The following LCT variants were observed in gnomAD, a reference collection of about 807,000 sequenced individuals.
LCT encodes lactase/phlorizin hydrolase.
Under a neutral mutation model 173.0 loss-of-function variants are expected in LCT, and 90 were observed. That is an observed-to-expected ratio of 0.52 (90% CI 0.44 to 0.62). LCT has a LOEUF of 0.62. Ranked by LOEUF, LCT falls within the 20% of genes least tolerant of loss-of-function variation. The pLI, the probability that LCT is intolerant of heterozygous loss-of-function variation, is 0.00. For synonymous variants in LCT, 853 were observed against 957.6 expected (o/e 0.89, Z 2.02); for missense variants, 1,864 against 2,431.4 (o/e 0.77, Z 4.91).
At chr2:135,803,811 G>A in intron 11 of LCT, 119 bp downstream of exon 11, 1 of 860,096 alleles carries the variant, frequency 1.2e-6, no homozygotes, top group Non-Finnish European at 1.9e-6. Context: ...TGAGCAAGAG[G>A]CAGGGTTTCT....
chr2:135,826,107 G>C (rs1228548553), intron 3 of LCT, among the ~76,000 whole-genome samples: 5 of 152,186 alleles, frequency 3.3e-5, no homozygotes, highest in Non-Finnish European at 5.9e-5. Context: ...CCTCTGAGGG[G>C]CCAACCCTAC....
At chr2:135,794,311 TGAAAA>T in intron 14 of LCT, 2 of 241,730 alleles carry the variant, frequency 8.3e-6, no homozygotes, top group African/African-American at 4.4e-5. Context: ...ATTTTTTTCT[TGAAAA>T]TCCTTTTTAA....
intron 7 of LCT, among the ~76,000 whole-genome samples, chr2:135,811,044 A>G (rs901894928): frequency 4.6e-5 from 7 of 151,826 alleles, no homozygotes; most frequent in Non-Finnish European, 1.0e-4. Context: ...AAAAAAGAAA[A>G]AAGAAAAGAA....
At chr2:135,824,992 C>CA (rs5834449) in intron 3 of LCT, among the ~76,000 whole-genome samples, 154 of 110,112 alleles carry the variant, frequency 1.4e-3, no homozygotes, top group East Asian at 0.01. Context: ...GGCTCCATCT[C>CA]AAAAAAAAAA....
intron 1 of LCT, among the ~76,000 whole-genome samples, chr2:135,836,135 A>G (rs1679366828): frequency 6.6e-6 from 1 of 150,844 alleles, no homozygotes; most frequent in Non-Finnish European, 1.5e-5. Flanking sequence ...TCTCCTGCCT[A>G]AGCCTCCCGA....
At chr2:135,801,908 A>T (rs947190224) in intron 11 of LCT, among the ~76,000 whole-genome samples, 1 of 152,080 alleles carries the variant, frequency 6.6e-6, no homozygotes, top group Non-Finnish European at 1.5e-5. Context: ...ATGCACTGTC[A>T]TCCAGGCTGG....
intron 8 of LCT, among the ~76,000 whole-genome samples, chr2:135,808,088 T>G (rs1002445830): frequency 1.3e-5 from 2 of 150,696 alleles, no homozygotes; most frequent in African/African-American, 2.4e-5. Context: ...TGTTCTGGGG[T>G]GCATGGGATA....
In LCT at chr2:135,807,202, C is replaced by A. The variant is rs1460246114; in HGVS notation, c.4099G>T (p.Ala1367Ser). The stretch of plus-strand genomic sequence containing the variant: ...CCGTACAGAAACTCATCCTCCCTGG[C>A]CAGTGGCATGCCGTTGTTGGTAATG... ...EVITNNGMPL[A>S]REDEFLYGRF... Residue 1367 changes from alanine to serine, a missense_variant, in exon 9 of 17, where the codon GCC becomes TCC. Around this residue, in one of 4 missense-constraint regions of LCT, gnomAD observed 514 missense variants for 750.1 expected, o/e 0.69. Transcript: ENST00000264162. The A allele has an allele frequency of 6.2e-7, 1 of 1,614,226 alleles. No individual in the cohort carries two copies. The highest frequency in any genetic ancestry group is 1.1e-5 in the South Asian group (1 of 91,086).
At chr2:135,825,784 G>A (rs1461805019) in intron 3 of LCT, among the ~76,000 whole-genome samples, 1 of 152,222 alleles carries the variant, frequency 6.6e-6, no homozygotes, top group Non-Finnish European at 1.5e-5. Context: ...GGGAATGGGG[G>A]CAGGTGCCTG....
Position 135,833,142 on chromosome 2 carries a change from A to G in LCT, c.689T>C (p.Leu230Pro), listed in dbSNP as rs1412504198. ...AAGCGCAGATATGGGTGGTTCTAGCAGGAGCTCCGGGATATCTTCAGCTCG... is the reference window on the plus strand; with the variant it reads ...AAGCGCAGATATGGGTGGTTCTAGCGGGAGCTCCGGGATATCTTCAGCTCG... Reference protein sequence around the residue: ...VLRAEDIPELLLEPPISALAQ... With the variant: ...VLRAEDIPELPLEPPISALAQ... Residue 230 changes from leucine (L) to proline (P), a missense_variant, in exon 2 of 17, where the codon CTG becomes CCG. Physicochemically the swap from Leu to Pro is moderately conservative, Grantham distance 98. Coordinates refer to ENST00000264162, the MANE Select transcript of LCT (RefSeq NM_002299.4). The G allele has an allele frequency of 1.2e-6, 2 of 1,614,040 alleles. No individual in the cohort carries two copies. Among genetic ancestry groups the G allele is most frequent in the Admixed American group, 3.3e-5 (2 of 59,998 alleles).
At position 135,833,151 on chromosome 2, in the gene LCT, G is replaced by A. The variant is rs768179301; in HGVS notation, c.680C>T (p.Pro227Leu). The change falls in exon 2 of 17, where the codon CCG (proline) becomes CTG (leucine). Residue 227 changes from proline (P) to leucine (L), a missense_variant. Around this residue, in one of 4 missense-constraint regions of LCT, gnomAD observed 412 missense variants for 462.0 expected, o/e 0.89. Coordinates refer to ENST00000264162, the MANE Select transcript of LCT (RefSeq NM_002299.4). ...LSVVLRAEDI[P>L]ELLLEPPISA... ...TATGGGTGGTTCTAGCAGGAGCTCC[G>A]GGATATCTTCAGCTCGCAGGACAAC... 6.8e-6 allele frequency: 11 copies of A among 1,614,016 alleles called. No homozygotes were observed. Among genetic ancestry groups the A allele is most frequent in the South Asian group, 6.6e-5 (6 of 91,078 alleles).
intron 3 of LCT, among the ~76,000 whole-genome samples, chr2:135,826,805 A>G (rs1279075078): frequency 1.3e-5 from 2 of 152,282 alleles, no homozygotes; most frequent in African/African-American, 4.8e-5. Flanking sequence ...CGAAGACCCT[A>G]GAGTGTTACG....
intron 2 of LCT, among the ~76,000 whole-genome samples, chr2:135,832,216 C>CA (rs781230596): frequency 5.7e-4 from 82 of 144,506 alleles, no homozygotes; most frequent in Non-Finnish European, 8.8e-4. Flanking sequence ...AACTCCATCT[C>CA]AAAAAAAAAA....
Position 135,798,023 on chromosome 2 carries a change from C to T in LCT, c.4976+6G>A, listed in dbSNP as rs777479505. The T allele has an allele frequency of 6.4e-7, 1 of 1,562,608 alleles. No homozygotes were observed. ...GCCCTCACCACTGCGGGCACCAGGC[C>T]CTTACCGAGACTTGTTGAGGCCTGC... On this transcript the variant is annotated splice_donor_region_variant and intron_variant, in intron 13 of 16. Transcript: ENST00000264162.
chr2:135,801,152 G>T (rs1575334652), intron 11 of LCT, among the ~76,000 whole-genome samples: 1 of 152,154 alleles, frequency 6.6e-6, no homozygotes, highest in African/African-American at 2.4e-5. Context: ...TCCTCCAGAA[G>T]AGTGGCTCGT....
At position 135,809,095 on chromosome 2, in the gene LCT, C is replaced by T. The variant is rs377042506; in HGVS notation, c.3252G>A (p.Lys1084=). Reference sequence around the variant, plus strand: ...TCCTATATGGTGCCCAGCCTGGGTCCTTCACCCCTGGGGGAAATTCCCCTG... The same window carrying T: ...TCCTATATGGTGCCCAGCCTGGGTCTTTCACCCCTGGGGGAAATTCCCCTG... ...YGSGEFPPGV[K]DPGWAPYRIA... Residue 1084 remains lysine (K), a synonymous_variant, in exon 8 of 17, where the codon AAG becomes AAA. Coordinates refer to ENST00000264162, the MANE Select transcript of LCT (RefSeq NM_002299.4). The surrounding 1 kb of genome is among the most constrained non-coding windows in gnomAD (Gnocchi z 5.5). 1.7e-5 allele frequency: 28 copies of T among 1,613,924 alleles called. No individual in the cohort carries two copies. Among genetic ancestry groups the T allele is most frequent in the Non-Finnish European group, 2.4e-5 (28 of 1,180,054 alleles).
rs992349449 is a variant in LCT, at chr2:135,818,184, A to C, written c.987-123T>G. ...TTCCAGAAACACTGAGTCAAAAGTC[A>C]TATCTGCAAAGCCATGGGCAGGAAG... On this transcript the variant is annotated intron_variant, in intron 5 of 16. Coordinates refer to ENST00000264162, the MANE Select transcript of LCT (RefSeq NM_002299.4). 3.4e-6 allele frequency: 4 copies of C among 1,177,222 alleles called. No individual in the cohort carries two copies. The African/African-American group carries it at 6.0e-5, about 18-fold the overall frequency. The allele number at this position is 1,177,222 out of a possible 1,614,324, so 72.9% of individuals were successfully genotyped here. A position where few individuals can be genotyped will look rare whatever the true frequency, so the allele number is the denominator to read the frequency against.
intron 13 of LCT, among the ~76,000 whole-genome samples, chr2:135,796,295 T>C (rs575902472): frequency 6.6e-5 from 10 of 152,342 alleles, no homozygotes; most frequent in Non-Finnish European, 1.2e-4. Flanking sequence ...AGAACCTTCC[T>C]TCCCTGGGGT....
chr2:135,823,877 C>A (rs1159340410), intron 4 of LCT, 24 bp downstream of exon 4: 2 of 1,503,592 alleles, frequency 1.3e-6, no homozygotes, highest in Non-Finnish European at 1.9e-6. Context: ...TCACTCAAAA[C>A]CTCTTCAGCA....
Sources: allele counts gnomAD v4.1 joint callset (sites outside exome capture counted in the v4.1 genomes callset), GRCh38; gene constraint gnomAD v4.1.1; regional missense constraint gnomAD v4.1.1; non-coding constraint Gnocchi (gnomAD v3.1); transcripts MANE v1.5; gene names NCBI Gene and HGNC (gene_info 2026-07-23, HGNC 2026-07-21).